RILPL2: variants seen among roughly 807,000 people sequenced by gnomAD.
The protein encoded by RILPL2 is RILP-like protein 2.
RILPL2 carries 19 observed loss-of-function variants against 22.2 expected under a neutral mutation model. The observed-to-expected ratio is 0.86, with a 90% CI of 0.60 to 1.25. The LOEUF (loss-of-function observed/expected upper bound fraction) is 1.25. RILPL2 is among the 50% of genes most tolerant of loss of function. RILPL2 has a pLI of 0.00. For synonymous variants in RILPL2, 123 were observed against 111.6 expected (o/e 1.10, Z -0.64); for missense variants, 243 against 263.6 (o/e 0.92, Z 0.54).
Position 123,430,669 on chromosome 12 carries a change from A to G in RILPL2, c.340-10T>C. ...TTGGGCCCAGGTTCACCTGGAAGAAAAGACGCAACCTTTGCAAGCAACTCT... is the reference window on the plus strand; with the variant it reads ...TTGGGCCCAGGTTCACCTGGAAGAAGAGACGCAACCTTTGCAAGCAACTCT... On this transcript the variant is annotated splice_polypyrimidine_tract_variant and intron_variant, in intron 1 of 3. Transcript: ENST00000280571. 1 of 1,570,134 alleles carries G rather than the reference A, an allele frequency of 6.4e-7. No homozygotes were observed. The highest frequency in any genetic ancestry group is 8.7e-7 in the Non-Finnish European group (1 of 1,155,420).
At chr12:123,429,139 T>G (rs527692537) in intron 2 of RILPL2, among the ~76,000 whole-genome samples, 2 of 152,204 alleles carry the variant, frequency 1.3e-5, no homozygotes, top group South Asian at 4.1e-4. Flanking sequence ...TGCAGTCTTT[T>G]TTAACTTTCC....
intron 2 of RILPL2, among the ~76,000 whole-genome samples, chr12:123,428,286 G>A (rs1251470453): frequency 2.6e-5 from 4 of 152,048 alleles, no homozygotes; most frequent in African/African-American, 9.7e-5. Context: ...ACAGGCGCCC[G>A]CCACCACGCC....
intron 3 of RILPL2, among the ~76,000 whole-genome samples, chr12:123,420,276 C>T (rs1879243601): frequency 6.6e-6 from 1 of 151,984 alleles, no homozygotes; most frequent in African/African-American, 2.4e-5. Flanking sequence ...CCTCCCGCCT[C>T]GGCCTCCCAA....
downstream of RILPL2, chr12:123,413,457 C>T (rs1246474322): frequency 6.5e-6 from 1 of 153,992 alleles, no homozygotes; most frequent in African/African-American, 2.4e-5. Context: ...AGTGTTACAG[C>T]TCTTAAGGCG....
chr12:123,424,327 T>G (rs1194038825), intron 2 of RILPL2, among the ~76,000 whole-genome samples: 2 of 139,800 alleles, frequency 1.4e-5, no homozygotes, highest in African/African-American at 5.0e-5. Context: ...TTGATAAGAG[T>G]TAGATTTTTT....
At chr12:123,421,075 C>T (rs1278095343) in intron 3 of RILPL2, among the ~76,000 whole-genome samples, 5 of 150,056 alleles carry the variant, frequency 3.3e-5, no homozygotes, top group African/African-American at 1.2e-4. Flanking sequence ...CAGGGTCTCA[C>T]TCTGTTGCTC....
At chr12:123,411,193 T>A (rs1878965109), downstream of RILPL2, 1 of 151,898 alleles carries the variant, frequency 6.6e-6, no homozygotes, top group Non-Finnish European at 1.5e-5. Flanking sequence ...CAGGCGTGCA[T>A]CACCACACCC....
Position 123,436,186 on chromosome 12 carries a change from C to T in RILPL2, c.235G>A (p.Val79Met). ...TCCAGCGCCAGGCTGCCCTCATTCA[C>T]CAGCGCCTCCAGCATCTCCAGGACG... Reference protein sequence around the residue: ...VRVLEMLEALVNEGSLALEEL... With the variant: ...VRVLEMLEALMNEGSLALEEL... Residue 79 changes from valine to methionine, a missense_variant, in exon 1 of 4, where the codon GTG (valine) becomes ATG (methionine). Coordinates refer to ENST00000280571, the MANE Select transcript of RILPL2 (RefSeq NM_145058.3). This position sits in a 1 kb window ranked among gnomAD's most constrained non-coding sequence, Gnocchi z 6.7. 6.2e-7 allele frequency: 1 copy of T among 1,611,264 alleles called. No homozygotes were observed. Among genetic ancestry groups the T allele is most frequent in the Non-Finnish European group, 8.5e-7 (1 of 1,178,966 alleles).
At chr12:123,434,752 C>T (rs115426700) in intron 1 of RILPL2, among the ~76,000 whole-genome samples, 1 of 150,444 alleles carries the variant, frequency 6.6e-6, no homozygotes, top group Admixed American at 6.6e-5. Context: ...ATGTGTAGAT[C>T]CCTATATCCA....
At chr12:123,417,799 C>T (rs1055774971) in intron 3 of RILPL2, among the ~76,000 whole-genome samples, 11 of 152,138 alleles carry the variant, frequency 7.2e-5, no homozygotes, top group African/African-American at 2.7e-4. Context: ...TGGCCAGGTT[C>T]GTCTCGAACT....
chr12:123,423,102 C>A lies in RILPL2; in HGVS notation c.547G>T (p.Val183Phe). The change falls in exon 3 of 4, where the codon GTT becomes TTT. Residue 183 changes from valine to phenylalanine, a missense_variant. By Grantham distance (50) the Val-to-Phe change is conservative. Coordinates refer to ENST00000280571, the MANE Select transcript of RILPL2 (RefSeq NM_145058.3). ...CTGCCAGCATTTTTGGCACTAGTAA[C>A]CACAGCATCTTTTTCTCTTCTTCCT... Reference protein sequence around the residue: ...PGGRREKDAVVTSAKNAGRNK... With the variant: ...PGGRREKDAVFTSAKNAGRNK... The A allele has an allele frequency of 6.2e-7, 1 of 1,613,906 alleles. No individual in the cohort carries two copies. Among genetic ancestry groups the A allele is most frequent in the Non-Finnish European group, 8.5e-7 (1 of 1,179,958 alleles).
intron 2 of RILPL2, among the ~76,000 whole-genome samples, chr12:123,430,307 G>A (rs868437750): frequency 4.7e-4 from 72 of 151,972 alleles, no homozygotes; most frequent in Non-Finnish European, 7.6e-4. Context: ...TACTCGGGAG[G>A]CTGAGGCAGG....
intron 1 of RILPL2, among the ~76,000 whole-genome samples, chr12:123,434,159 C>T (rs1423510152): frequency 6.6e-6 from 1 of 152,102 alleles, no homozygotes; most frequent in Non-Finnish European, 1.5e-5. Context: ...TGGCTCAGGC[C>T]TGTAATCCCA....
Position 123,430,268 on chromosome 12 carries a change from GCAC to G in RILPL2, c.491+237_491+239del, listed in dbSNP as rs1566092946. On this transcript the variant is annotated intron_variant, in intron 2 of 3. Transcript: ENST00000280571. Reference sequence around the variant, plus strand: ...ACTAAAAATACAAAAAATTAGCCAGGCACGGTGGCGGGCGCCTGTAGTCCCAGC... The same window carrying G: ...ACTAAAAATACAAAAAATTAGCCAGGGGTGGCGGGCGCCTGTAGTCCCAGC... Among the ~76,000 whole-genome samples the G allele has an allele frequency of 1.7e-3, 252 of 151,654 alleles. 2 individuals carry two copies. Among genetic ancestry groups the G allele is most frequent in the African/African-American group, 5.2e-3 (213 of 41,338 alleles).
chr12:123,422,198 A>C lies in RILPL2; in HGVS notation c.605+846T>G, dbSNP rs1465647190. Among the ~76,000 whole-genome samples, 3 of 148,640 alleles carry C rather than the reference A, an allele frequency of 2.0e-5. No homozygotes were observed. The Admixed American group carries it at 2.1e-4, about 10-fold the overall frequency. ...AGCTAATTTCACTTGATCTCAGCTA[A>C]AAGGCCGACAAATGATACCAGCTAA... On this transcript the variant is annotated intron_variant, in intron 3 of 3. Coordinates refer to ENST00000280571, the MANE Select transcript of RILPL2 (RefSeq NM_145058.3).
At chr12:123,422,908 C>A in intron 3 of RILPL2, 136 bp downstream of exon 3, 1 of 649,070 alleles carries the variant, frequency 1.5e-6, no homozygotes. Context: ...ATTGAGTTTT[C>A]CCATGGGCTG....
downstream of RILPL2, chr12:123,414,587 T>A (rs1318598024): frequency 6.6e-6 from 1 of 152,624 alleles, no homozygotes; most frequent in Non-Finnish European, 1.5e-5. Flanking sequence ...GCTGAAGGGC[T>A]CCTCAAGTGC....
chr12:123,420,690 G>A (rs1879258395), intron 3 of RILPL2, among the ~76,000 whole-genome samples: 1 of 152,084 alleles, frequency 6.6e-6, no homozygotes, highest in African/African-American at 2.4e-5. Context: ...TCCCACCTCA[G>A]CCTCCCGAAG....
At chr12:123,431,087 G>A (rs894602148) in intron 1 of RILPL2, among the ~76,000 whole-genome samples, 4 of 152,136 alleles carry the variant, frequency 2.6e-5, no homozygotes, top group Admixed American at 1.3e-4. Flanking sequence ...CATGTGATCC[G>A]CCTGCCTCAG....
Sources: allele counts gnomAD v4.1 joint callset (sites outside exome capture counted in the v4.1 genomes callset), GRCh38; gene constraint gnomAD v4.1.1; non-coding constraint Gnocchi (gnomAD v3.1); transcripts MANE v1.5; gene names NCBI Gene and HGNC (gene_info 2026-07-23, HGNC 2026-07-21).